The following B3GNT3 variants were observed in gnomAD, a reference collection of about 807,000 sequenced individuals.
B3GNT3 encodes the protein N-acetyllactosaminide beta-1,3-N-acetylglucosaminyltransferase 3.
Under a neutral mutation model 11.6 loss-of-function variants are expected in B3GNT3, and 7 were observed. That is an observed-to-expected ratio of 0.60 (90% CI 0.34 to 1.13). The LOEUF (loss-of-function observed/expected upper bound fraction) is 1.13, where lower values mean the gene tolerates loss of function less well. Ranked by LOEUF, B3GNT3 falls within the 50% of genes most tolerant of loss-of-function variation. The pLI is 0.03. For missense variants in B3GNT3, 400 were observed against 507.4 expected (o/e 0.79, Z 2.03); for synonymous variants, 201 against 222.1 (o/e 0.90, Z 0.85).
intron 2 of B3GNT3, among the ~76,000 whole-genome samples, chr19:17,809,218 T>G: frequency 6.6e-6 from 1 of 152,064 alleles, no homozygotes; most frequent in Non-Finnish European, 1.5e-5. Context: ...GTGTCCCTAA[T>G]GCCTAGAATA....
In B3GNT3 at chr19:17,811,185, G is replaced by T. The variant is rs1229753693; in HGVS notation, c.568-386G>T. The stretch of plus-strand genomic sequence containing the variant: ...ACTATGATCATAGCGCTACACTCTA[G>T]CCTGGGCAATAGAGCAAGACCCTGT... On this transcript the variant is annotated intron_variant, in intron 2 of 2. Transcript: ENST00000318683. This position sits in a 1 kb window ranked among gnomAD's most constrained non-coding sequence, Gnocchi z 4.1. Among the ~76,000 whole-genome samples the T allele has an allele frequency of 1.3e-5, 2 of 152,180 alleles. No individual in the cohort carries two copies. The highest frequency in any genetic ancestry group is 4.1e-4 in the South Asian group (2 of 4,830).
In B3GNT3 at chr19:17,813,016, C is replaced by T. The variant is rs1000418679; in HGVS notation, c.*894C>T. On this transcript the variant is annotated 3_prime_UTR_variant, in exon 3 of 3. Transcript: ENST00000318683. ...CCCAGCTTCAGGCCTCAGTGTCTGC[C>T]AGTCAAGCTTCACAGGCATTGTGAT... 2 of 152,114 alleles carry T rather than the reference C, an allele frequency of 1.3e-5. No individual in the cohort carries two copies. Among genetic ancestry groups the T allele is most frequent in the African/African-American group, 4.8e-5 (2 of 41,426 alleles). 9.4% of individuals were successfully genotyped at this position (152,114 alleles called of 1,614,324 possible).
At chr19:17,806,093 G>A (rs1014645822) in intron 1 of B3GNT3, among the ~76,000 whole-genome samples, 1 of 151,732 alleles carries the variant, frequency 6.6e-6, no homozygotes, top group Non-Finnish European at 1.5e-5. Context: ...TCAGCCTCCC[G>A]AGTAGTTGGG....
chr19:17,798,317 C>T (rs181594092), intron 1 of B3GNT3, among the ~76,000 whole-genome samples: 52 of 152,292 alleles, frequency 3.4e-4, no homozygotes, highest in Middle Eastern at 6.8e-3. Flanking sequence ...GCTAGGTGCT[C>T]AGCACTTGCT....
chr19:17,812,270 G>T lies in B3GNT3; in HGVS notation c.*148G>T. ...TTGATGAGTGAATATTCTGGCTGGC[G>T]AACTCCTACACATCCTTCAAAACCC... is the stretch of plus-strand genomic sequence containing the variant. On this transcript the variant is annotated 3_prime_UTR_variant, in exon 3 of 3. Transcript: ENST00000318683. 1 of 865,802 alleles carries T rather than the reference G, an allele frequency of 1.2e-6. No individual in the cohort carries two copies. Among genetic ancestry groups the T allele is most frequent in the Non-Finnish European group, 1.7e-6 (1 of 581,622 alleles). The allele number at this position is 865,802 out of a possible 1,614,324, so 53.6% of individuals were successfully genotyped here.
rs2094183109 is a variant in B3GNT3, at chr19:17,812,971, G to A, written c.*849G>A. On this transcript the variant is annotated 3_prime_UTR_variant, in exon 3 of 3. Coordinates refer to ENST00000318683, the MANE Select transcript of B3GNT3 (RefSeq NM_014256.4). ...TACAGATTACGGGGGGACCGGGTGAGCCAGTGACCCCCTGTAGCCCCCAGC... is the reference window on the plus strand; with the variant it reads ...TACAGATTACGGGGGGACCGGGTGAACCAGTGACCCCCTGTAGCCCCCAGC... The A allele has an allele frequency of 6.6e-6, 1 of 152,202 alleles. No homozygotes were observed. The allele number at this position is 152,202 out of a possible 1,614,324, so 9.4% of individuals were successfully genotyped here.
chr19:17,807,111 A>AGTGTGTGTGTGT (rs56140662), intron 1 of B3GNT3, among the ~76,000 whole-genome samples: 12,260 of 116,144 alleles, frequency 0.11, 916 homozygotes, highest in African/African-American at 0.16. Context: ...CAGTGGCCCC[A>AGTGTGTGTGTGT]GTGTGTGTGT....
intron 1 of B3GNT3, among the ~76,000 whole-genome samples, chr19:17,804,169 G>A (rs916294122): frequency 3.3e-5 from 5 of 149,950 alleles, no homozygotes; most frequent in African/African-American, 1.2e-4. Flanking sequence ...CATCTGGGCT[G>A]TGATCGAAAC....
At chr19:17,810,883 C>CAAA (rs201153922) in intron 2 of B3GNT3, among the ~76,000 whole-genome samples, 2 of 147,316 alleles carry the variant, frequency 1.4e-5, no homozygotes, top group African/African-American at 5.0e-5. Flanking sequence ...ACTCCATCTC[C>CAAA]AAAAAAATAA....
Position 17,812,172 on chromosome 19 carries a change from G to T in B3GNT3, c.*50G>T. 2.0e-6 allele frequency: 3 copies of T among 1,517,504 alleles called. No individual in the cohort carries two copies. The highest frequency in any genetic ancestry group is 2.6e-6 in the Non-Finnish European group (3 of 1,141,902). 94.0% of individuals were successfully genotyped at this position (1,517,504 alleles called of 1,614,324 possible). A position where few individuals can be genotyped will look rare whatever the true frequency, so the allele number is the denominator to read the frequency against. On this transcript the variant is annotated 3_prime_UTR_variant, in exon 3 of 3. Coordinates refer to ENST00000318683, the MANE Select transcript of B3GNT3 (RefSeq NM_014256.4). ...TGGGCTCCTGTTTCCATAGGAAGGG[G>T]CGACACCTTCCTCCCAGGAAGCTGA...
intron 1 of B3GNT3, among the ~76,000 whole-genome samples, chr19:17,802,863 T>TAA (rs59549642): frequency 6.6e-6 from 1 of 151,390 alleles, no homozygotes; most frequent in Non-Finnish European, 1.5e-5. Context: ...CTTTTTTTTT[T>TAA]AATTTTTAGC....
chr19:17,800,953 C>A (rs952883551), intron 1 of B3GNT3, among the ~76,000 whole-genome samples: 1 of 151,538 alleles, frequency 6.6e-6, no homozygotes, highest in South Asian at 2.1e-4. Context: ...TCAGCCTGGG[C>A]GACAGAGGCT....
At chr19:17,800,072 C>T (rs151320248) in intron 1 of B3GNT3, among the ~76,000 whole-genome samples, 269 of 152,196 alleles carry the variant, frequency 1.8e-3, no homozygotes, top group Admixed American at 4.6e-3. Flanking sequence ...CTCTTGCAGA[C>T]AGTGACAAGA....
At chr19:17,804,240 C>CTTTTTTTTTTTTTT (rs773524591) in intron 1 of B3GNT3, among the ~76,000 whole-genome samples, 43 of 112,180 alleles carry the variant, frequency 3.8e-4, no homozygotes, top group African/African-American at 5.8e-4. Context: ...TCTTTTTTTT[C>CTTTTTTTTTTTTTT]TTTTTTTTTT....
chr19:17,796,656 G>A (rs2094159843), intron 1 of B3GNT3, among the ~76,000 whole-genome samples: 1 of 152,156 alleles, frequency 6.6e-6, no homozygotes, highest in Non-Finnish European at 1.5e-5. Context: ...TGAGCAGTTG[G>A]GTGTTTGCTC....
intron 1 of B3GNT3, among the ~76,000 whole-genome samples, chr19:17,805,453 C>A (rs919865294): frequency 6.6e-5 from 10 of 152,096 alleles, no homozygotes; most frequent in African/African-American, 2.4e-4. Flanking sequence ...TGCTCATAGA[C>A]CCTCCATGGC....
Position 17,812,238 on chromosome 19 carries a change from T to A in B3GNT3, c.*116T>A. 1.7e-6 allele frequency: 2 copies of A among 1,205,072 alleles called. No homozygotes were observed. Among genetic ancestry groups the A allele is most frequent in the Non-Finnish European group, 2.3e-6 (2 of 888,414 alleles). 74.6% of individuals were successfully genotyped at this position (1,205,072 alleles called of 1,614,324 possible). A position where few individuals can be genotyped will look rare whatever the true frequency, so the allele number is the denominator to read the frequency against. ...AGCATAAGGGAGTGCCAGGGAAGGT[T>A]TGAGGTTTGATGAGTGAATATTCTG... On this transcript the variant is annotated 3_prime_UTR_variant, in exon 3 of 3. Transcript: ENST00000318683.
At chr19:17,809,358 G>T (rs1013159264) in intron 2 of B3GNT3, among the ~76,000 whole-genome samples, 1 of 151,994 alleles carries the variant, frequency 6.6e-6, no homozygotes, top group Middle Eastern at 3.2e-3. Flanking sequence ...AGGATCGCTT[G>T]AGCCCAAGAG....
Position 17,812,299 on chromosome 19 carries a change from T to G in B3GNT3, c.*177T>G, listed in dbSNP as rs2094182221. The G allele has an allele frequency of 1.6e-6, 1 of 636,252 alleles. No homozygotes were observed. Among genetic ancestry groups the G allele is most frequent in the East Asian group, 2.8e-5 (1 of 35,852 alleles). 39.4% of individuals were successfully genotyped at this position (636,252 alleles called of 1,614,324 possible). On this transcript the variant is annotated 3_prime_UTR_variant, in exon 3 of 3. Transcript: ENST00000318683. ...TCCTACACATCCTTCAAAACCCACC[T>G]GGTACTGTTCCAGCATCTTCCCTGG...
Sources: allele counts gnomAD v4.1 joint callset (sites outside exome capture counted in the v4.1 genomes callset), GRCh38; gene constraint gnomAD v4.1.1; non-coding constraint Gnocchi (gnomAD v3.1); transcripts MANE v1.5; gene names NCBI Gene and HGNC (gene_info 2026-07-23, HGNC 2026-07-21).